LRP1B: variants seen among roughly 807,000 people sequenced by gnomAD.
LRP1B encodes the protein low-density lipoprotein receptor-related protein 1B.
LRP1B carries 217 observed loss-of-function variants against 556.6 expected under a neutral mutation model. That is an observed-to-expected ratio of 0.39 (90% CI 0.35 to 0.44). LRP1B has a LOEUF of 0.44. Ranked by LOEUF, LRP1B falls within the 20% of genes least tolerant of loss-of-function variation. The pLI is 1.00. For missense variants in LRP1B, 5,053 were observed against 5,620.8 expected (o/e 0.90, Z 3.23); for synonymous variants, 2,047 against 1,865.8 (o/e 1.10, Z -2.50).
At chr2:140,468,227 G>A (rs1687626241) in intron 60 of LRP1B, among the ~76,000 whole-genome samples, 1 of 152,142 alleles carries the variant, frequency 6.6e-6, no homozygotes, top group African/African-American at 2.4e-5. Flanking sequence ...ATGCAACTCA[G>A]GCTGTCCCTT....
chr2:141,120,879 A>C (rs1307134109), intron 7 of LRP1B, among the ~76,000 whole-genome samples: 3 of 152,002 alleles, frequency 2.0e-5, no homozygotes, highest in Non-Finnish European at 4.4e-5. Context: ...GATGCTTCTC[A>C]ATTCAACTGC....
At chr2:141,107,340 A>T (rs1355280781) in intron 7 of LRP1B, among the ~76,000 whole-genome samples, 1 of 151,408 alleles carries the variant, frequency 6.6e-6, no homozygotes, top group Admixed American at 6.6e-5. Flanking sequence ...AAGATAAATT[A>T]AAAAAAACTT....
At chr2:140,457,427 T>C (rs16843999) in intron 61 of LRP1B, 36 bp downstream of exon 61, 77,490 of 1,457,032 alleles carry the variant, frequency 0.053, 2,456 homozygotes, top group Non-Finnish European at 0.055. Context: ...TGAAAGATGT[T>C]AATGCATTTA....
chr2:140,442,486 A>G lies in LRP1B; in HGVS notation c.10414+18T>C. ...ACTCAAATACGGAGAGATAAGACCC[A>G]GAGTCACAGACACTCACCGCAGTTG... is the stretch of plus-strand genomic sequence containing the variant. On this transcript the variant is annotated intron_variant, in intron 66 of 90. Transcript: ENST00000389484. 1 of 1,606,152 alleles carries G rather than the reference A, an allele frequency of 6.2e-7. No homozygotes were observed. Among genetic ancestry groups the G allele is most frequent in the Non-Finnish European group, 8.5e-7 (1 of 1,177,158 alleles).
chr2:141,407,168 T>C (rs1397295405), intron 3 of LRP1B, among the ~76,000 whole-genome samples: 2 of 152,160 alleles, frequency 1.3e-5, no homozygotes, highest in African/African-American at 2.4e-5. Context: ...CTACTCTTGG[T>C]TCTAAATATA....
At chr2:141,530,357 G>C (rs760811431) in intron 2 of LRP1B, among the ~76,000 whole-genome samples, 1 of 152,096 alleles carries the variant, frequency 6.6e-6, no homozygotes, top group Non-Finnish European at 1.5e-5. Flanking sequence ...TTATTGCAGA[G>C]AGGTGACAGA....
chr2:140,450,693 G>A (rs1215607814), intron 62 of LRP1B, 32 bp from the exon 63 acceptor site: 30 of 1,473,042 alleles, frequency 2.0e-5, no homozygotes, highest in Non-Finnish European at 2.6e-5. Flanking sequence ...AAAAAATGTT[G>A]AAGAACCCAG....
chr2:140,833,272 G>A (rs1460426822), intron 31 of LRP1B, among the ~76,000 whole-genome samples: 1 of 152,190 alleles, frequency 6.6e-6, no homozygotes, highest in African/African-American at 2.4e-5. Context: ...AATCAATGAT[G>A]TGGTATGAAA....
chr2:141,415,458 A>G (rs1559058016), intron 3 of LRP1B, among the ~76,000 whole-genome samples: 2 of 152,194 alleles, frequency 1.3e-5, no homozygotes, highest in Non-Finnish European at 2.9e-5. Context: ...TCCTAAATGT[A>G]TATACTATTG....
At chr2:141,893,450 C>T (rs1489532869) in intron 1 of LRP1B, among the ~76,000 whole-genome samples, 2 of 152,304 alleles carry the variant, frequency 1.3e-5, no homozygotes, top group African/African-American at 4.8e-5. Context: ...ATCCACCCAC[C>T]TTGGCCTCCC....
chr2:141,539,289 A>T (rs1685171132), intron 2 of LRP1B, among the ~76,000 whole-genome samples: 1 of 152,270 alleles, frequency 6.6e-6, no homozygotes, highest in South Asian at 2.1e-4. Context: ...CAACAGAGTT[A>T]TGATTCAGCT....
intron 3 of LRP1B, among the ~76,000 whole-genome samples, chr2:141,345,304 T>C (rs1213808764): frequency 1.3e-5 from 2 of 152,140 alleles, no homozygotes. Flanking sequence ...AGATAAAAAA[T>C]TTGTGTTCTT....
At chr2:141,734,649 C>A (rs1693398718) in intron 2 of LRP1B, among the ~76,000 whole-genome samples, 1 of 152,032 alleles carries the variant, frequency 6.6e-6, no homozygotes, top group African/African-American at 2.4e-5. Flanking sequence ...TTTCAGTTCT[C>A]CTATTTTTTA....
chr2:141,509,344 C>T (rs1472386437), intron 2 of LRP1B, among the ~76,000 whole-genome samples: 1 of 152,146 alleles, frequency 6.6e-6, no homozygotes, highest in Non-Finnish European at 1.5e-5. Flanking sequence ...GTGTCACTGT[C>T]ATATGGCTGT....
intron 33 of LRP1B, 80 bp from the exon 34 acceptor site, chr2:140,771,086 C>T: frequency 1.0e-6 from 1 of 986,256 alleles, no homozygotes; most frequent in Non-Finnish European, 1.5e-6. Context: ...AATAATTTGA[C>T]AAATATGTAT....
intron 2 of LRP1B, among the ~76,000 whole-genome samples, chr2:141,557,675 G>C (rs991284783): frequency 6.6e-6 from 1 of 151,932 alleles, no homozygotes; most frequent in African/African-American, 2.4e-5. Context: ...CCACGAGAAA[G>C]AAGAAACCTG....
At chr2:140,775,745 A>G (rs1573701976) in intron 33 of LRP1B, among the ~76,000 whole-genome samples, 1 of 152,178 alleles carries the variant, frequency 6.6e-6, no homozygotes, top group Non-Finnish European at 1.5e-5. Context: ...TTGTTGATGT[A>G]GTCCATTTGA....
At chr2:140,738,620 C>G (rs955851458) in intron 35 of LRP1B, among the ~76,000 whole-genome samples, 2 of 152,068 alleles carry the variant, frequency 1.3e-5, no homozygotes, top group Non-Finnish European at 2.9e-5. Context: ...TTAAGGACTC[C>G]CTACCAGTCT....
chr2:141,509,585 C>CAAAA lies in LRP1B; in HGVS notation c.206-29056_206-29053dup, dbSNP rs1468420633. ...GAGCTCAAACAAACAAACAAACAAA[C>CAAAA]AAAATGCCTTCCAAGTCAAACTTTG... On this transcript the variant is annotated intron_variant, in intron 2 of 90. Coordinates refer to ENST00000389484, the MANE Select transcript of LRP1B (RefSeq NM_018557.3). 3.5e-3 allele frequency among the ~76,000 whole-genome samples: 534 copies of CAAAA among 150,744 alleles called. 118 individuals carry two copies. The highest frequency in any genetic ancestry group is 0.013 in the African/African-American group (520 of 40,660).
Sources: gnomAD v4.1 joint callset for allele counts (sites outside exome capture counted in the v4.1 genomes callset) on GRCh38, gnomAD v4.1.1 for gene constraint, MANE v1.5 for transcripts, NCBI Gene and HGNC (gene_info 2026-07-23, HGNC 2026-07-21) for gene names.